The following DLG5 variants were observed in gnomAD, a reference collection of about 807,000 sequenced individuals.
DLG5 encodes disks large homolog 5.
A neutral mutation model predicts 189.8 loss-of-function variants in DLG5; 48 were observed. The observed-to-expected ratio is 0.25, with a 90% CI of 0.20 to 0.32. DLG5 has a LOEUF of 0.32. Among genes scored for constraint, DLG5 ranks in the 10% least tolerant of loss-of-function variants. The pLI, the probability that DLG5 is intolerant of heterozygous loss-of-function variation, is 1.00. For missense variants in DLG5, 2,160 were observed against 2,544.7 expected (o/e 0.85, Z 3.25); for synonymous variants, 1,016 against 1,054.1 (o/e 0.96, Z 0.70).
Position 77,824,464 on chromosome 10 carries a change from C to T in DLG5, c.2302G>A (p.Ala768Thr). 2 of 1,613,854 alleles carry T rather than the reference C, an allele frequency of 1.2e-6. No homozygotes were observed. Among genetic ancestry groups the T allele is most frequent in the Non-Finnish European group, 1.7e-6 (2 of 1,179,908 alleles). ...TCATTCAGAGACTTGTTGTCCAGTG[C>T]AATGCCATTGATCTAGAGCAGGACA... ...GDRIVAINGI[A>T]LDNKSLNECE... Residue 768 changes from alanine to threonine, a missense_variant, in exon 14 of 32, where the codon GCA becomes ACA. By Grantham distance (58) the Ala-to-Thr change is moderately conservative (BLOSUM62 0). Around this residue, in one of 5 missense-constraint regions of DLG5, gnomAD observed 107 missense variants for 214.5 expected, o/e 0.50. Coordinates refer to ENST00000372391, the MANE Select transcript of DLG5 (RefSeq NM_004747.4).
At chr10:77,876,130 T>C (rs1845080212) in intron 1 of DLG5, among the ~76,000 whole-genome samples, 1 of 151,918 alleles carries the variant, frequency 6.6e-6, no homozygotes, top group African/African-American at 2.4e-5. Flanking sequence ...AATGCTATAG[T>C]ATTTTCCACC....
chr10:77,909,699 A>T (rs1189775789), intron 1 of DLG5, among the ~76,000 whole-genome samples: 1 of 152,126 alleles, frequency 6.6e-6, no homozygotes, highest in Non-Finnish European at 1.5e-5. Context: ...ACATAGGCGC[A>T]TATATACTCA....
chr10:77,816,436 C>T (rs763353903), intron 20 of DLG5, 115 bp downstream of exon 20: 18 of 1,502,262 alleles, frequency 1.2e-5, no homozygotes, highest in East Asian at 2.3e-5. Flanking sequence ...TGCTGGGACA[C>T]TCAAGCTACT....
intron 2 of DLG5, among the ~76,000 whole-genome samples, chr10:77,865,671 C>T (rs546102328): frequency 1.6e-4 from 24 of 152,296 alleles, no homozygotes; most frequent in African/African-American, 5.5e-4. Context: ...AACGAGTGTG[C>T]AGTCCCCAGG....
intron 1 of DLG5, among the ~76,000 whole-genome samples, chr10:77,877,410 A>G (rs2154577283): frequency 6.6e-6 from 1 of 152,322 alleles, no homozygotes; most frequent in African/African-American, 2.4e-5. Context: ...CGAGGGATGA[A>G]AAGAGTCCAC....
chr10:77,905,157 C>A (rs1846037967), intron 1 of DLG5, among the ~76,000 whole-genome samples: 1 of 151,838 alleles, frequency 6.6e-6, no homozygotes, highest in South Asian at 2.1e-4. Flanking sequence ...TCTCCTGGCT[C>A]CTTGTCATTT....
intron 1 of DLG5, among the ~76,000 whole-genome samples, chr10:77,891,543 G>C (rs1286943194): frequency 6.7e-6 from 1 of 149,890 alleles, no homozygotes; most frequent in African/African-American, 2.5e-5. Context: ...ATTATTCATA[G>C]GCTGGTGAGC....
At chr10:77,815,674 G>A (rs1160397208) in intron 20 of DLG5, among the ~76,000 whole-genome samples, 1 of 151,992 alleles carries the variant, frequency 6.6e-6, no homozygotes, top group East Asian at 1.9e-4. Flanking sequence ...AAAAAAATAT[G>A]TTTTCTTAAC....
At chr10:77,846,661 C>T (rs1300527042) in intron 5 of DLG5, 7 of 455,644 alleles carry the variant, frequency 1.5e-5, no homozygotes, top group Non-Finnish European at 3.1e-5. Flanking sequence ...TGTGCCACTG[C>T]ACCCCAGCCT....
chr10:77,918,954 G>A (rs1846453119), intron 1 of DLG5, among the ~76,000 whole-genome samples: 1 of 152,132 alleles, frequency 6.6e-6, no homozygotes, highest in Non-Finnish European at 1.5e-5. Context: ...GGTGGCTCAT[G>A]CCTATAATCA....
intron 2 of DLG5, among the ~76,000 whole-genome samples, chr10:77,867,507 C>G (rs1844730108): frequency 6.6e-6 from 1 of 152,168 alleles, no homozygotes; most frequent in African/African-American, 2.4e-5. Context: ...ATTCCAAATT[C>G]CAACAATCCC....
chr10:77,805,960 T>C (rs575052345), intron 26 of DLG5, 99 bp from the exon 27 acceptor site: 7 of 1,198,266 alleles, frequency 5.8e-6, no homozygotes, highest in Admixed American at 4.3e-5. Context: ...GGCCAGACAC[T>C]GGGCTCCCCC....
intron 1 of DLG5, among the ~76,000 whole-genome samples, chr10:77,920,822 TCAAACGTCCCAAA>T (rs1846512868): frequency 6.6e-6 from 1 of 152,106 alleles, no homozygotes; most frequent in African/African-American, 2.4e-5. Context: ...ATCCAAGAGG[TCAAACGTCCCAAA>T]GGCCAGTTTC....
At chr10:77,895,735 C>G (rs59082828) in intron 1 of DLG5, among the ~76,000 whole-genome samples, 1 of 152,144 alleles carries the variant, frequency 6.6e-6, no homozygotes, top group Non-Finnish European at 1.5e-5. Flanking sequence ...GTAGGCTGGG[C>G]GCGGTGGCTC....
chr10:77,905,778 G>A lies in DLG5; in HGVS notation c.304+20439C>T, dbSNP rs115091248. Among the ~76,000 whole-genome samples, 1,045 of 152,178 alleles carry A rather than the reference G, an allele frequency of 6.9e-3. 13 individuals are homozygous for A. Among genetic ancestry groups the A allele is most frequent in the African/African-American group, 0.023 (955 of 41,498 alleles). On this transcript the variant is annotated intron_variant, in intron 1 of 31. Coordinates refer to ENST00000372391, the MANE Select transcript of DLG5 (RefSeq NM_004747.4). ...GTATTTATTTCCTCTTCTCTCTCTC[G>A]TCTTATTTATTTCCTTTTATTCCCA... is the stretch of plus-strand genomic sequence containing the variant.
intron 1 of DLG5, among the ~76,000 whole-genome samples, chr10:77,905,000 G>A (rs1430821605): frequency 1.3e-5 from 2 of 151,858 alleles, no homozygotes; most frequent in East Asian, 3.9e-4. Flanking sequence ...GTGGTGGCAG[G>A]TGCCTGTAAT....
intron 3 of DLG5, among the ~76,000 whole-genome samples, chr10:77,856,274 C>T (rs1844222102): frequency 6.6e-6 from 1 of 152,134 alleles, no homozygotes; most frequent in Non-Finnish European, 1.5e-5. Context: ...TTCACTTGAG[C>T]CGGGGAGGTC....
At chr10:77,795,299 G>A (rs761856442) in intron 29 of DLG5, among the ~76,000 whole-genome samples, 9 of 152,184 alleles carry the variant, frequency 5.9e-5, no homozygotes, top group Non-Finnish European at 1.0e-4. Flanking sequence ...CTGAGCGAAT[G>A]AAGAGCCAGA....
At chr10:77,932,263 C>T in the DLG5 span, among the ~76,000 whole-genome samples, 2 of 152,158 alleles carry the variant, frequency 1.3e-5, no homozygotes, top group African/African-American at 4.8e-5. Flanking sequence ...TGGTTGTGGA[C>T]TCTAGCTGAA....
Sources: allele counts gnomAD v4.1 joint callset (sites outside exome capture counted in the v4.1 genomes callset), GRCh38; gene constraint gnomAD v4.1.1; regional missense constraint gnomAD v4.1.1; transcripts MANE v1.5; gene names NCBI Gene and HGNC (gene_info 2026-07-23, HGNC 2026-07-21).